DNAH7: variants seen among roughly 807,000 people sequenced by gnomAD.
DNAH7 encodes the protein dynein axonemal heavy chain 7, also known as axonemal beta dynein heavy chain 7.
DNAH7 carries 397 observed loss-of-function variants against 444.6 expected under a neutral mutation model. That is an observed-to-expected ratio of 0.89 (90% confidence interval 0.82 to 0.97). The LOEUF (loss-of-function observed/expected upper bound fraction) is 0.97. Ranked by LOEUF, DNAH7 falls within the 50% of genes least tolerant of loss-of-function variation. The pLI, the probability that DNAH7 is intolerant of heterozygous loss-of-function variation, is 0.00. For missense variants in DNAH7, 4,902 were observed against 4,800.8 expected, an observed-to-expected ratio of 1.02 and a Z score of -0.62; for synonymous variants, 1,636 against 1,624.4, an observed-to-expected ratio of 1.01 and a Z score of -0.17.
Position 195,834,335 on chromosome 2 carries a change from T to A in DNAH7, c.8971A>T (p.Ile2991Leu), listed in dbSNP as rs1483622978. 1.3e-6 allele frequency: 2 copies of A among 1,599,702 alleles called. No individual in the cohort carries two copies. The highest frequency in any genetic ancestry group is 2.7e-5 in the African/African-American group (2 of 74,792). ...TTATTAGCCTGACTTTGAGGATCTA[T>A]CATCAGAGGCCACCTTCTTGCATTC... is the stretch of plus-strand genomic sequence containing the variant. ...IMNARRWPLM[I>L]DPQSQANKWI... is the part of the protein sequence containing the mutation. Residue 2991 changes from isoleucine (I) to leucine (L), a missense_variant, in exon 48 of 65, where the codon ATA (isoleucine) becomes TTA (leucine). By Grantham distance (5) the Ile-to-Leu change is conservative (BLOSUM62 2). Transcript: ENST00000312428.
In DNAH7 at chr2:195,787,189, G is replaced by A; in HGVS notation, c.10717-18C>T. 1 of 1,571,174 alleles carries A rather than the reference G, an allele frequency of 6.4e-7. No homozygotes were observed. The highest frequency in any genetic ancestry group is 1.2e-5 in the South Asian group (1 of 83,426). On this transcript the variant is annotated intron_variant, in intron 57 of 64. Coordinates refer to ENST00000312428, the MANE Select transcript of DNAH7 (RefSeq NM_018897.3). ...AATTCCTCCTGTAATGAGAAGAAAT[G>A]ATGCCGCATCATTATTTTCTCCATA...
intron 5 of DNAH7, among the ~76,000 whole-genome samples, chr2:196,029,482 A>AT (rs1213004098): frequency 2.0e-5 from 3 of 152,086 alleles, no homozygotes; most frequent in African/African-American, 4.8e-5. Flanking sequence ...CCATGATTCT[A>AT]TCATTCTAGG....
intron 14 of DNAH7, among the ~76,000 whole-genome samples, chr2:195,985,338 G>A (rs1692834875): frequency 6.6e-6 from 1 of 152,196 alleles, no homozygotes; most frequent in Admixed American, 6.5e-5. Flanking sequence ...CTGGGGCTGG[G>A]AGATGAAAGA....
chr2:195,996,282 C>G (rs1214300129), intron 12 of DNAH7, among the ~76,000 whole-genome samples: 1 of 152,160 alleles, frequency 6.6e-6, no homozygotes, highest in African/African-American at 2.4e-5. Context: ...GCATTCTGCT[C>G]TCAGGATTAT....
chr2:195,936,792 C>A lies in DNAH7; in HGVS notation c.3079G>T (p.Asp1027Tyr). 1 of 1,483,294 alleles carries A rather than the reference C, an allele frequency of 6.7e-7. No homozygotes were observed. The highest frequency in any genetic ancestry group is 8.9e-7 in the Non-Finnish European group (1 of 1,119,346). 91.9% of individuals were successfully genotyped at this position (1,483,294 alleles called of 1,614,324 possible). A position where few individuals can be genotyped will look rare whatever the true frequency, so the allele number is the denominator to read the frequency against. Residue 1027 changes from aspartate (D) to tyrosine (Y), a missense_variant and splice_region_variant, in exon 20 of 65, where the codon GAT (aspartate) becomes TAT (tyrosine). By Grantham distance (160) the Asp-to-Tyr change is radical. Transcript: ENST00000312428. The stretch of plus-strand genomic sequence containing the variant: ...GTTACAACTGTCAGAACATGTTTAT[C>A]CTAAAAATAAAAATAAAAAACACTC... ...WRDIMRSVMQ[D>Y]KHVLTVVTID... is the part of the protein sequence containing the mutation.
At chr2:195,747,994 G>A (rs1669591680) in intron 63 of DNAH7, among the ~76,000 whole-genome samples, 1 of 152,160 alleles carries the variant, frequency 6.6e-6, no homozygotes, top group African/African-American at 2.4e-5. Flanking sequence ...GGGCAATCAG[G>A]CAGGAGAAGG....
chr2:195,983,536 G>T (rs1277689854), intron 15 of DNAH7, among the ~76,000 whole-genome samples: 1 of 152,102 alleles, frequency 6.6e-6, no homozygotes, highest in African/African-American at 2.4e-5. Context: ...AAACTAGCAA[G>T]AAGTCACTCA....
chr2:195,834,222 G>C lies in DNAH7; in HGVS notation c.9084C>G (p.Ile3028Met). 1 of 1,605,546 alleles carries C rather than the reference G, an allele frequency of 6.2e-7. No individual in the cohort carries two copies. The highest frequency in any genetic ancestry group is 8.5e-7 in the Non-Finnish European group (1 of 1,173,738). The change falls in exon 48 of 65, where the codon ATC becomes ATG. Residue 3028 changes from isoleucine (I) to methionine (M), a missense_variant. Coordinates refer to ENST00000312428, the MANE Select transcript of DNAH7 (RefSeq NM_018897.3). ...PDYVRTLENCIQFGTPVLLEN... is the reference protein window; with the variant it reads ...PDYVRTLENCMQFGTPVLLEN... ...ACTACATACCAGGAGTACCAAACTGGATGCAATTTTCCAGAGTCCTGACAT... is the reference window on the plus strand; with the variant it reads ...ACTACATACCAGGAGTACCAAACTGCATGCAATTTTCCAGAGTCCTGACAT...
rs117142159 is a variant in DNAH7 at position 196,068,435 on chromosome 2, G to C, written c.15+262C>G. 0.024 allele frequency: 12,839 copies of C among 545,494 alleles called. 1,185 individuals are homozygous for C. The East Asian group carries it at 0.25, about 10-fold the overall frequency. The allele number at this position is 545,494 out of a possible 1,614,324, so 33.8% of individuals were successfully genotyped here. ...CCATTAGCACTCTGGGGGTGCTCTG[G>C]GCTGTGGCTCCCCCTGCTGGCGCGC... On this transcript the variant is annotated intron_variant, in intron 1 of 64. Transcript: ENST00000312428.
chr2:196,000,330 A>G (rs1693956942), intron 12 of DNAH7, among the ~76,000 whole-genome samples: 1 of 152,180 alleles, frequency 6.6e-6, no homozygotes, highest in African/African-American at 2.4e-5. Context: ...AAAAAGGTAT[A>G]TGAGGGGAGT....
intron 49 of DNAH7, among the ~76,000 whole-genome samples, chr2:195,818,565 T>A (rs1464887496): frequency 2.0e-5 from 3 of 152,214 alleles, no homozygotes; most frequent in Non-Finnish European, 4.4e-5. Context: ...GCTCCCACAA[T>A]CCTTTCCAGC....
At chr2:195,865,530 T>G (rs1215672651) in intron 40 of DNAH7, among the ~76,000 whole-genome samples, 1 of 152,226 alleles carries the variant, frequency 6.6e-6, no homozygotes, top group Non-Finnish European at 1.5e-5. Flanking sequence ...GAGAGTTGTT[T>G]GGGATACCTG....
intron 39 of DNAH7, among the ~76,000 whole-genome samples, chr2:195,873,366 A>G (rs185441103): frequency 2.6e-5 from 4 of 152,340 alleles, no homozygotes; most frequent in Admixed American, 1.3e-4. Flanking sequence ...ACGTGAACAT[A>G]TTACATAGCA....
chr2:195,927,094 T>C (rs1688381216), intron 21 of DNAH7, among the ~76,000 whole-genome samples: 1 of 152,102 alleles, frequency 6.6e-6, no homozygotes. Context: ...CCCAAAGCAA[T>C]GATGACAGAG....
At chr2:195,896,685 C>T (rs1193788232) in intron 29 of DNAH7, among the ~76,000 whole-genome samples, 1 of 152,100 alleles carries the variant, frequency 6.6e-6, no homozygotes, top group Admixed American at 6.5e-5. Context: ...TGAAAATAAA[C>T]ATAGGTTTTA....
At position 195,857,425 on chromosome 2, in the gene DNAH7, G is replaced by A. The variant is rs759855329; in HGVS notation, c.8366C>T (p.Ala2789Val). 19 of 1,610,408 alleles carry A rather than the reference G, an allele frequency of 1.2e-5. No homozygotes were observed. Among genetic ancestry groups the A allele is most frequent in the South Asian group, 1.0e-4 (9 of 90,182 alleles). ...VPEKIRNAST[A>V]AEGLCKWVIA... Reference sequence around the variant, plus strand: ...GACCCATTTGCACAGACCTTCGGCCGCTGTAGAAGCATTTCTGATTTTTTC... The same window carrying A: ...GACCCATTTGCACAGACCTTCGGCCACTGTAGAAGCATTTCTGATTTTTTC... The change falls in exon 44 of 65, where the codon GCG (alanine) becomes GTG (valine). Residue 2789 changes from alanine to valine, a missense_variant. By Grantham distance (64) the Ala-to-Val change is moderately conservative. Coordinates refer to ENST00000312428, the MANE Select transcript of DNAH7 (RefSeq NM_018897.3).
chr2:195,828,206 C>G (rs1188114431), intron 48 of DNAH7, among the ~76,000 whole-genome samples: 1 of 152,020 alleles, frequency 6.6e-6, no homozygotes, highest in African/African-American at 2.4e-5. Context: ...ATATAATTCC[C>G]CATTGTCTTA....
At chr2:195,930,419 T>G (rs1442587084) in intron 21 of DNAH7, among the ~76,000 whole-genome samples, 1 of 152,006 alleles carries the variant, frequency 6.6e-6, no homozygotes. Context: ...AAAAAACATA[T>G]GAAAAATGCT....
chr2:195,749,352 G>A (rs945293515), intron 63 of DNAH7, among the ~76,000 whole-genome samples: 1 of 150,284 alleles, frequency 6.7e-6, no homozygotes, highest in Non-Finnish European at 1.5e-5. Flanking sequence ...GAGAGGATGT[G>A]GAGAAATAGG....
Sources: allele counts gnomAD v4.1 joint callset (sites outside exome capture counted in the v4.1 genomes callset), GRCh38; gene constraint gnomAD v4.1.1; transcripts MANE v1.5; gene names NCBI Gene and HGNC (gene_info 2026-07-23, HGNC 2026-07-21).